Variants in ME2 observed in about 807,000 individuals in gnomAD.
The protein encoded by ME2 is malic enzyme 2.
A neutral mutation model predicts 73.7 loss-of-function variants in ME2; 60 were observed. That is an observed-to-expected ratio of 0.81 (90% CI 0.66 to 1.01). The LOEUF is 1.01. ME2 is among the 50% of genes least tolerant of loss of function. The pLI, the probability that ME2 is intolerant of heterozygous loss-of-function variation, is 0.00. For synonymous variants in ME2, 199 were observed against 236.9 expected (o/e 0.84, Z 1.47); for missense variants, 594 against 705.5 (o/e 0.84, Z 1.79).
At chr18:50,946,919 C>G in intron 15 of ME2, 98 bp from the exon 16 acceptor site, 1 of 831,744 alleles carries the variant, frequency 1.2e-6, no homozygotes, top group Non-Finnish European at 1.9e-6. Context: ...AAGAAGAATG[C>G]CATTCTTCTA....
At chr18:50,910,268 CA>C (rs74176794) in intron 3 of ME2, among the ~76,000 whole-genome samples, 202 of 35,274 alleles carry the variant, frequency 5.7e-3, no homozygotes, top group African/African-American at 0.018. Flanking sequence ...CCTGTTTCTA[CA>C]AAAAAAAAAA....
Position 50,912,959 on chromosome 18 carries a change from T to C in ME2, c.392+9T>C. The C allele has an allele frequency of 6.4e-7, 1 of 1,571,930 alleles. No homozygotes were observed. The highest frequency in any genetic ancestry group is 1.7e-4 in the Middle Eastern group (1 of 5,958). ...ATCTTTAGAAGACCTAAGTAAGGCT[T>C]GTTTAAAAAAAAGCTTGTAAATGAT... is the stretch of plus-strand genomic sequence containing the variant. On this transcript the variant is annotated intron_variant, in intron 4 of 15. Transcript: ENST00000321341.
chr18:50,929,161 C>CTT (rs111985773), intron 12 of ME2, among the ~76,000 whole-genome samples: 18 of 143,138 alleles, frequency 1.3e-4, no homozygotes, highest in Admixed American at 7.7e-4. Flanking sequence ...ATTTGGCATT[C>CTT]TTTTTTTTTT....
rs1181168227 is a variant in ME2 at position 50,947,052 on chromosome 18, C to G, written c.1623C>G (p.Phe541Leu). 6.2e-7 allele frequency: 1 copy of G among 1,613,730 alleles called. No homozygotes were observed. The highest frequency in any genetic ancestry group is 1.7e-5 in the Admixed American group (1 of 60,002). The change falls in exon 16 of 16, where the codon TTC becomes TTG. Residue 541 changes from phenylalanine to leucine, a missense_variant. By Grantham distance (22) the Phe-to-Leu change is conservative. Coordinates refer to ENST00000321341, the MANE Select transcript of ME2 (RefSeq NM_002396.5). ...ACCTATATGCTAATAAAATGGCTTT[C>G]CGATACCCAGAACCTGAAGACAAGG... ...TEYLYANKMAFRYPEPEDKAK... is the reference protein window; with the variant it reads ...TEYLYANKMALRYPEPEDKAK...
chr18:50,937,648 G>T (rs928775764), intron 13 of ME2, among the ~76,000 whole-genome samples: 3 of 151,270 alleles, frequency 2.0e-5, no homozygotes, highest in African/African-American at 7.3e-5. Context: ...ATCCTCAGGG[G>T]GACAAAATAT....
chr18:50,929,778 G>A (rs867243029), intron 12 of ME2, among the ~76,000 whole-genome samples: 1 of 152,022 alleles, frequency 6.6e-6, no homozygotes, highest in East Asian at 1.9e-4. Flanking sequence ...AATGGTTATT[G>A]TTCCCCAAAT....
At chr18:50,912,393 G>A (rs1917177990) in intron 3 of ME2, among the ~76,000 whole-genome samples, 2 of 152,106 alleles carry the variant, frequency 1.3e-5, no homozygotes, top group African/African-American at 4.8e-5. Context: ...AATAGTGCCA[G>A]GCATATAGTG....
chr18:50,926,301 CT>C (rs140330402), intron 12 of ME2, among the ~76,000 whole-genome samples: 2,966 of 152,182 alleles, frequency 0.019, 90 homozygotes, highest in African/African-American at 0.068. Context: ...AATGAATTCT[CT>C]TGGTAATTTA....
intron 13 of ME2, 65 bp from the exon 14 acceptor site, chr18:50,939,505 T>C: frequency 8.9e-7 from 1 of 1,125,484 alleles, no homozygotes; most frequent in Non-Finnish European, 1.3e-6. Flanking sequence ...TGCCTGAATA[T>C]AGGAATTTAC....
At chr18:50,924,922 T>C (rs1342046729) in intron 11 of ME2, among the ~76,000 whole-genome samples, 1 of 151,806 alleles carries the variant, frequency 6.6e-6, no homozygotes, top group Non-Finnish European at 1.5e-5. Flanking sequence ...CCTCAGGTGA[T>C]CCACCTGCCT....
intron 6 of ME2, 45 bp from the exon 7 acceptor site, chr18:50,918,065 T>A (rs1917325823): frequency 7.7e-7 from 1 of 1,291,878 alleles, no homozygotes; most frequent in Non-Finnish European, 1.1e-6. Context: ...GTGTTTAAAC[T>A]GATTATATAA....
At chr18:50,926,944 C>T (rs528105427) in intron 12 of ME2, among the ~76,000 whole-genome samples, 1 of 152,320 alleles carries the variant, frequency 6.6e-6, no homozygotes, top group Non-Finnish European at 1.5e-5. Context: ...AAACTTTTTA[C>T]TCTCTTCAAA....
intron 1 of ME2, among the ~76,000 whole-genome samples, chr18:50,881,345 G>A (rs991878577): frequency 2.6e-5 from 4 of 152,170 alleles, no homozygotes; most frequent in South Asian, 2.1e-4. Context: ...TGAACTAGCC[G>A]TATTTTAAAA....
Position 50,952,758 on chromosome 18 carries a change from T to G in ME2, c.*5574T>G, listed in dbSNP as rs1244366025. The G allele has an allele frequency of 2.0e-5, 3 of 152,236 alleles. No individual in the cohort carries two copies. The highest frequency in any genetic ancestry group is 4.4e-5 in the Non-Finnish European group (3 of 68,040). The allele number at this position is 152,236 out of a possible 1,614,324, so 9.4% of individuals were successfully genotyped here. A position where few individuals can be genotyped will look rare whatever the true frequency, so the allele number is the denominator to read the frequency against. ...GTATATATTCAAGCAAATCGTTGAT[T>G]CCTATACAGCCATTGGATTATCACC... On this transcript the variant is annotated 3_prime_UTR_variant, in exon 16 of 16. Transcript: ENST00000321341.
intron 9 of ME2, 46 bp downstream of exon 9, chr18:50,920,804 A>C (rs748122922): frequency 1.4e-6 from 2 of 1,409,860 alleles, no homozygotes; most frequent in Non-Finnish European, 2.0e-6. Flanking sequence ...CCTCTCTTAT[A>C]GAATTAGAAA....
intron 6 of ME2, 85 bp downstream of exon 6, chr18:50,917,593 A>G: frequency 1.0e-6 from 1 of 982,090 alleles, no homozygotes; most frequent in Non-Finnish European, 1.4e-6. Context: ...ATGATAATTT[A>G]AGAAGGGAAA....
At chr18:50,886,279 C>T (rs1237095389) in intron 1 of ME2, among the ~76,000 whole-genome samples, 8 of 150,138 alleles carry the variant, frequency 5.3e-5, no homozygotes, top group Admixed American at 4.6e-4. Flanking sequence ...AGTCTCACTC[C>T]GTTGCCCAGG....
chr18:50,928,123 T>C (rs1917605474), intron 12 of ME2, among the ~76,000 whole-genome samples: 1 of 151,792 alleles, frequency 6.6e-6, no homozygotes, highest in South Asian at 2.1e-4. Context: ...CCACCTAATT[T>C]CTTGAATATG....
rs952545127 is a variant in ME2 at position 50,947,768 on chromosome 18, A to G, written c.*584A>G. ...ATTTTCTGGAACTAAATCAAGCCTT[A>G]ACTATAACATTATGAGAGTAATGGG... On this transcript the variant is annotated 3_prime_UTR_variant, in exon 16 of 16. Coordinates refer to ENST00000321341, the MANE Select transcript of ME2 (RefSeq NM_002396.5). The G allele has an allele frequency of 2.0e-5, 3 of 152,244 alleles. No homozygotes were observed. The highest frequency in any genetic ancestry group is 7.2e-5 in the African/African-American group (3 of 41,470). The allele number at this position is 152,244 out of a possible 1,614,324, so 9.4% of individuals were successfully genotyped here.
Sources: gnomAD v4.1 joint callset for allele counts (sites outside exome capture counted in the v4.1 genomes callset) on GRCh38, gnomAD v4.1.1 for gene constraint, MANE v1.5 for transcripts, NCBI Gene and HGNC (gene_info 2026-07-23, HGNC 2026-07-21) for gene names.